The following SLC35F3 variants were observed in gnomAD, a reference collection of about 807,000 sequenced individuals.
The protein encoded by SLC35F3 is solute carrier family 35 member F3.
In SLC35F3, 25 loss-of-function variants were observed where a neutral mutation model predicts 49.9. The ratio of observed to expected loss-of-function variants is 0.50; its 90% CI spans 0.37 to 0.70. The LOEUF (loss-of-function observed/expected upper bound fraction) is 0.70. Among genes scored for constraint, SLC35F3 ranks in the 30% least tolerant of loss-of-function variants. The probability of loss-of-function intolerance (pLI) is 0.00; values close to 1 mark genes in which losing one functional copy is unlikely to be tolerated. For synonymous variants in SLC35F3, 275 were observed against 265.4 expected (o/e 1.04, Z -0.35); for missense variants, 525 against 639.8 (o/e 0.82, Z 1.94).
Position 234,214,232 on chromosome 1 carries a change from A to G in SLC35F3, c.284-17185A>G. 2 of 1,214,468 alleles carry G rather than the reference A, an allele frequency of 1.6e-6. No homozygotes were observed. Among genetic ancestry groups the G allele is most frequent in the Non-Finnish European group, 2.0e-6 (2 of 976,678 alleles). 75.2% of individuals were successfully genotyped at this position (1,214,468 alleles called of 1,614,324 possible). A position where few individuals can be genotyped will look rare whatever the true frequency, so the allele number is the denominator to read the frequency against. ...GTACGTGACGTTGGAGTTTGCAGCAACCTCCAAGTAGGAGGCTGTGCGCGC... is the reference window on the plus strand; with the variant it reads ...GTACGTGACGTTGGAGTTTGCAGCAGCCTCCAAGTAGGAGGCTGTGCGCGC... On this transcript the variant is annotated intron_variant, in intron 2 of 7. Coordinates refer to ENST00000366618, the MANE Select transcript of SLC35F3 (RefSeq NM_173508.4). This position sits in a 1 kb window ranked among gnomAD's most constrained non-coding sequence, Gnocchi z 8.0.
At chr1:234,191,449 T>C (rs1251667636) in intron 2 of SLC35F3, among the ~76,000 whole-genome samples, 1 of 152,130 alleles carries the variant, frequency 6.6e-6, no homozygotes, top group Non-Finnish European at 1.5e-5. Flanking sequence ...GCAAAGGCAG[T>C]GCTAAGAGGA....
At chr1:234,095,397 G>C (rs895530665) in intron 2 of SLC35F3, among the ~76,000 whole-genome samples, 1 of 151,626 alleles carries the variant, frequency 6.6e-6, no homozygotes, top group Non-Finnish European at 1.5e-5. Context: ...GAACCATGAG[G>C]TTCTGGCTAA....
chr1:234,230,232 T>C (rs1466110352), intron 2 of SLC35F3, among the ~76,000 whole-genome samples: 3 of 152,240 alleles, frequency 2.0e-5, no homozygotes, highest in Non-Finnish European at 4.4e-5. Flanking sequence ...TTAACGATAT[T>C]AGCTAACACC....
intron 2 of SLC35F3, among the ~76,000 whole-genome samples, chr1:233,988,210 C>T (rs1663296329): frequency 6.6e-6 from 1 of 152,122 alleles, no homozygotes; most frequent in African/African-American, 2.4e-5. Context: ...TAAAAGACTC[C>T]AAAATATTAG....
chr1:234,319,990 T>G (rs931237988), intron 6 of SLC35F3, 108 bp from the exon 7 acceptor site: 2 of 735,140 alleles, frequency 2.7e-6, no homozygotes, highest in Non-Finnish European at 4.9e-6. Flanking sequence ...TCATTGTAAC[T>G]CCTATGACTC....
chr1:233,991,287 A>C (rs924078813), intron 2 of SLC35F3, among the ~76,000 whole-genome samples: 7 of 152,042 alleles, frequency 4.6e-5, no homozygotes, highest in Non-Finnish European at 8.8e-5. Flanking sequence ...ATCTCCCACA[A>C]ATGCTTACCC....
chr1:234,230,924 C>G (rs193100889), intron 2 of SLC35F3, among the ~76,000 whole-genome samples: 1 of 152,320 alleles, frequency 6.6e-6, no homozygotes, highest in South Asian at 2.1e-4. Context: ...GTACTGGGAC[C>G]TTTTAGAGGT....
chr1:234,001,652 G>A (rs1410001758), intron 2 of SLC35F3, among the ~76,000 whole-genome samples: 1 of 152,134 alleles, frequency 6.6e-6, no homozygotes, highest in Non-Finnish European at 1.5e-5. Flanking sequence ...CAGTAGAGAC[G>A]TTATTACTGT....
chr1:234,130,927 T>C (rs12117206), intron 2 of SLC35F3, among the ~76,000 whole-genome samples: 58,617 of 151,914 alleles, frequency 0.39, 13,292 homozygotes, highest in Non-Finnish European at 0.52. Context: ...TTTGTGACAA[T>C]AGAATGGATA....
intron 2 of SLC35F3, among the ~76,000 whole-genome samples, chr1:233,967,331 T>G (rs1215970170): frequency 6.6e-6 from 1 of 152,110 alleles, no homozygotes; most frequent in Non-Finnish European, 1.5e-5. Flanking sequence ...AAGCCAAGAT[T>G]ATTAGTAAGG....
chr1:234,312,673 T>C (rs1177369005), intron 4 of SLC35F3, among the ~76,000 whole-genome samples: 2 of 151,980 alleles, frequency 1.3e-5, no homozygotes, highest in Non-Finnish European at 2.9e-5. Flanking sequence ...AATCCTTGAG[T>C]CAATGAGAGC....
chr1:234,256,004 A>C (rs1667816318), intron 3 of SLC35F3, among the ~76,000 whole-genome samples: 1 of 152,194 alleles, frequency 6.6e-6, no homozygotes, highest in African/African-American at 2.4e-5. Flanking sequence ...TAACAAATGT[A>C]CATCAATGCA....
chr1:234,231,496 T>G lies in SLC35F3; in HGVS notation c.363T>G (p.Ser121Arg). 6.2e-7 allele frequency: 1 copy of G among 1,611,406 alleles called. No homozygotes were observed. Among genetic ancestry groups the G allele is most frequent in the Non-Finnish European group, 8.5e-7 (1 of 1,179,120 alleles). ...GGGTGGAGGCCGGCGGGAGAGCGAGTCGCCGCTGCTGGACGTGCTCCCGGG... is the reference window on the plus strand; with the variant it reads ...GGGTGGAGGCCGGCGGGAGAGCGAGGCGCCGCTGCTGGACGTGCTCCCGGG... ...PAGVEAGGRASRRCWTCSRAQ... is the reference protein window; with the variant it reads ...PAGVEAGGRARRRCWTCSRAQ... Residue 121 changes from serine (S) to arginine (R), a missense_variant, in exon 3 of 8, where the codon AGT becomes AGG. By Grantham distance (110) the Ser-to-Arg change is moderately radical. Around this residue, in one of 4 missense-constraint regions of SLC35F3, gnomAD observed 228 missense variants for 218.9 expected, o/e 1.04. Transcript: ENST00000366618. The surrounding 1 kb of genome is among the most constrained non-coding windows in gnomAD (Gnocchi z 5.4).
chr1:233,993,280 T>C (rs1379860842), intron 2 of SLC35F3, among the ~76,000 whole-genome samples: 1 of 152,092 alleles, frequency 6.6e-6, no homozygotes, highest in Non-Finnish European at 1.5e-5. Flanking sequence ...ACATTTTTAC[T>C]GAGCTCTCAG....
At chr1:234,211,027 C>G (rs1332905647) in intron 2 of SLC35F3, among the ~76,000 whole-genome samples, 1 of 152,250 alleles carries the variant, frequency 6.6e-6, no homozygotes, top group Non-Finnish European at 1.5e-5. Context: ...TGCATCCGAG[C>G]TGCTCCAGCA....
chr1:234,083,235 A>G (rs1664908336), intron 2 of SLC35F3, among the ~76,000 whole-genome samples: 3 of 152,228 alleles, frequency 2.0e-5, no homozygotes, highest in Admixed American at 6.5e-5. Flanking sequence ...CTGCTAATTA[A>G]GGTTTAAGAA....
intron 2 of SLC35F3, among the ~76,000 whole-genome samples, chr1:234,147,391 A>G (rs1174692341): frequency 6.6e-6 from 1 of 151,842 alleles, no homozygotes; most frequent in Non-Finnish European, 1.5e-5. Flanking sequence ...ATCATATGTA[A>G]TATTTGTACA....
intron 2 of SLC35F3, among the ~76,000 whole-genome samples, chr1:234,166,533 C>T (rs1426147337): frequency 6.6e-6 from 1 of 152,176 alleles, no homozygotes. Flanking sequence ...CTGTGTGTGC[C>T]TGTCTGGAAG....
chr1:234,162,896 C>A (rs1666249754), intron 2 of SLC35F3, among the ~76,000 whole-genome samples: 1 of 152,208 alleles, frequency 6.6e-6, no homozygotes, highest in Non-Finnish European at 1.5e-5. Flanking sequence ...TTGCCAAATT[C>A]TTCCTAATTC....
Sources: gnomAD v4.1 joint callset for allele counts (sites outside exome capture counted in the v4.1 genomes callset) on GRCh38, gnomAD v4.1.1 for gene constraint, gnomAD v4.1.1 regional missense constraint, Gnocchi (gnomAD v3.1) non-coding constraint, MANE v1.5 for transcripts, NCBI Gene and HGNC (gene_info 2026-07-23, HGNC 2026-07-21) for gene names.